The following CLIP2 variants were observed in gnomAD, a reference collection of about 807,000 sequenced individuals.
CLIP2 encodes the protein CAP-Gly domain containing linker protein 2, also known as CAP-Gly domain-containing linker protein 2.
CLIP2 carries 41 observed loss-of-function variants against 111.7 expected under a neutral mutation model. The ratio of observed to expected loss-of-function variants is 0.37; its 90% confidence interval spans 0.29 to 0.48. CLIP2 has a LOEUF of 0.48. Ranked by LOEUF, CLIP2 falls within the 20% of genes least tolerant of loss-of-function variation. CLIP2 has a pLI of 0.99. For synonymous variants in CLIP2, 660 were observed against 644.2 expected, an observed-to-expected ratio of 1.02 and a Z score of -0.37; for missense variants, 1,160 against 1,422.1, an observed-to-expected ratio of 0.82 and a Z score of 2.96.
intron 4 of CLIP2, among the ~76,000 whole-genome samples, chr7:74,354,783 AAAAT>A (rs142758995): frequency 5.9e-5 from 9 of 151,972 alleles, no homozygotes; most frequent in South Asian, 2.1e-4. Flanking sequence ...AAAATAATAA[AAAAT>A]AAATAAATAA....
chr7:74,311,366 AGTT>A (rs781841877), intron 1 of CLIP2, among the ~76,000 whole-genome samples: 35 of 152,250 alleles, frequency 2.3e-4, no homozygotes, highest in Admixed American at 9.2e-4. Context: ...CGAGCATTTC[AGTT>A]GTTCTGCATC....
intron 2 of CLIP2, among the ~76,000 whole-genome samples, chr7:74,325,112 C>T (rs1789073917): frequency 6.6e-6 from 1 of 152,198 alleles, no homozygotes; most frequent in Non-Finnish European, 1.5e-5. Flanking sequence ...AACATGAGCT[C>T]AGCCTCCGGC....
At position 74,364,435 on chromosome 7, in the gene CLIP2, G is replaced by A. The variant is rs782605336; in HGVS notation, c.1380+120G>A. 7.5e-6 allele frequency: 6 copies of A among 799,966 alleles called. No homozygotes were observed. The Middle Eastern group carries it at 1.0e-3, about 135-fold the overall frequency. 49.6% of individuals were successfully genotyped at this position (799,966 alleles called of 1,614,324 possible). On this transcript the variant is annotated intron_variant, in intron 8 of 16. Coordinates refer to ENST00000223398, the MANE Select transcript of CLIP2 (RefSeq NM_003388.5). ...CCCCCCCGGGGAAGGGGCTGGGGGG[G>A]AAAATGGGGAAGGATCAAAGGTCTG...
chr7:74,295,221 C>G (rs1247877915), intron 1 of CLIP2, among the ~76,000 whole-genome samples: 1 of 152,160 alleles, frequency 6.6e-6, no homozygotes, highest in Non-Finnish European at 1.5e-5. Context: ...CTTGGCCTCC[C>G]AAAGTGCTAG....
intron 13 of CLIP2, among the ~76,000 whole-genome samples, chr7:74,390,117 AAG>A (rs1447053878): frequency 7.2e-6 from 1 of 139,018 alleles, no homozygotes; most frequent in African/African-American, 2.9e-5. Flanking sequence ...GAAAGAAAGA[AAG>A]AAAAGAGAGA....
At chr7:74,375,355 C>T (rs1367028208) in intron 9 of CLIP2, among the ~76,000 whole-genome samples, 2 of 151,582 alleles carry the variant, frequency 1.3e-5, no homozygotes, top group African/African-American at 4.9e-5. Context: ...TCGAGACCAG[C>T]CTAGGCAAAA....
At position 74,338,946 on chromosome 7, in the gene CLIP2, C is replaced by CA; in HGVS notation, c.621dup (p.Asp208ArgfsTer54). 1 of 1,600,058 alleles carries CA rather than the reference C, an allele frequency of 6.2e-7. No individual in the cohort carries two copies. The highest frequency in any genetic ancestry group is 8.5e-7 in the Non-Finnish European group (1 of 1,179,864). On this transcript the variant is annotated frameshift_variant, in exon 3 of 17. Transcript: ENST00000223398. LOFTEE classifies it high-confidence loss of function. The surrounding 1 kb of genome is among the most constrained non-coding windows in gnomAD (Gnocchi z 4.3). ...GGCAACGAGTCGGGATCCAACCTCT[C>CA]AGACAGCGGCTCTGTGAAGCGGGGC...
At position 74,385,447 on chromosome 7, in the gene CLIP2, A is replaced by G. The variant is rs1159156581; in HGVS notation, c.2480-1074A>G. On this transcript the variant is annotated intron_variant, in intron 11 of 16. Coordinates refer to ENST00000223398, the MANE Select transcript of CLIP2 (RefSeq NM_003388.5). ...CACACTCCACTCCAGCCTGAGCAAC[A>G]CAATGATAACCTGTCTCAAAAAAAA... Among the ~76,000 whole-genome samples the G allele has an allele frequency of 2.0e-5, 3 of 151,336 alleles. No homozygotes were observed. The East Asian group carries it at 5.8e-4, about 29-fold the overall frequency.
intron 1 of CLIP2, among the ~76,000 whole-genome samples, chr7:74,290,064 T>C (rs577588487): frequency 1.3e-5 from 2 of 152,352 alleles, no homozygotes; most frequent in Admixed American, 6.5e-5. Context: ...TTGGCCCTTC[T>C]GTTGGAGGGT....
At chr7:74,311,767 C>T (rs1257552872) in intron 1 of CLIP2, among the ~76,000 whole-genome samples, 1 of 151,806 alleles carries the variant, frequency 6.6e-6, no homozygotes, top group Non-Finnish European at 1.5e-5. Context: ...AAACAATTAG[C>T]CAGGCATGGT....
chr7:74,368,481 C>A (rs1554311237), intron 8 of CLIP2, among the ~76,000 whole-genome samples: 1 of 151,800 alleles, frequency 6.6e-6, no homozygotes, highest in Non-Finnish European at 1.5e-5. Flanking sequence ...CGCGTCATTG[C>A]ACTCCAGCCT....
chr7:74,302,099 A>T (rs960614488), intron 1 of CLIP2, among the ~76,000 whole-genome samples: 3 of 151,596 alleles, frequency 2.0e-5, no homozygotes, highest in African/African-American at 4.8e-5. Context: ...GAGCATGCCA[A>T]CTCTGTGTGT....
rs1206134568 is a variant in CLIP2, at chr7:74,405,126, T to A, written c.*1278T>A. ...AATCTAACTGCGCTCCCCCAACCCC[T>A]CGCCCTGCCATCTTCCCCTCAAGCC... On this transcript the variant is annotated 3_prime_UTR_variant, in exon 17 of 17. Coordinates refer to ENST00000223398, the MANE Select transcript of CLIP2 (RefSeq NM_003388.5). The A allele has an allele frequency of 6.6e-6, 1 of 151,622 alleles. No individual in the cohort carries two copies. The highest frequency in any genetic ancestry group is 1.5e-5 in the Non-Finnish European group (1 of 68,002). The allele number at this position is 151,622 out of a possible 1,614,324, so 9.4% of individuals were successfully genotyped here. A position where few individuals can be genotyped will look rare whatever the true frequency, so the allele number is the denominator to read the frequency against.
intron 9 of CLIP2, 29 bp downstream of exon 9, chr7:74,373,065 C>T (rs377649215): frequency 1.4e-4 from 213 of 1,478,524 alleles, no homozygotes; most frequent in Non-Finnish European, 1.8e-4. Context: ...CCGCCTGGCC[C>T]GCCAGCCACC....
intron 1 of CLIP2, among the ~76,000 whole-genome samples, chr7:74,310,748 G>T (rs534046802): frequency 1.3e-5 from 2 of 150,186 alleles, no homozygotes; most frequent in South Asian, 2.1e-4. Flanking sequence ...GTCTCACTTT[G>T]TCATCCAGGC....
intron 1 of CLIP2, among the ~76,000 whole-genome samples, chr7:74,316,477 C>G (rs781881021): frequency 1.7e-4 from 26 of 151,942 alleles, no homozygotes; most frequent in Non-Finnish European, 3.5e-4. Context: ...TTTTGAACTC[C>G]TGGCCTCAAG....
chr7:74,394,003 C>G (rs1156456191), intron 13 of CLIP2, among the ~76,000 whole-genome samples: 1 of 152,152 alleles, frequency 6.6e-6, no homozygotes, highest in Non-Finnish European at 1.5e-5. Context: ...TCCGAGGAAG[C>G]TTTCCGCCCT....
At chr7:74,358,478 A>T (rs1363078697) in intron 6 of CLIP2, among the ~76,000 whole-genome samples, 1 of 152,042 alleles carries the variant, frequency 6.6e-6, no homozygotes, top group Non-Finnish European at 1.5e-5. Context: ...TACAGGTGTG[A>T]GCCACTGCAC....
At chr7:74,372,879 C>G in intron 8 of CLIP2, 53 bp from the exon 9 acceptor site, 2 of 578,014 alleles carry the variant, frequency 3.5e-6, no homozygotes, top group Non-Finnish European at 3.2e-6. Flanking sequence ...CTGTGCCCCC[C>G]TCCCTGCGTC....
Sources: allele counts gnomAD v4.1 joint callset (sites outside exome capture counted in the v4.1 genomes callset), GRCh38; gene constraint gnomAD v4.1.1; non-coding constraint Gnocchi (gnomAD v3.1); transcripts MANE v1.5; gene names NCBI Gene and HGNC (gene_info 2026-07-23, HGNC 2026-07-21).